Variants in CDC7 observed in about 807,000 individuals in gnomAD.
CDC7 encodes cell division cycle 7-related protein kinase.
A neutral mutation model predicts 53.5 loss-of-function variants in CDC7; 34 were observed. That is an observed-to-expected ratio of 0.64 (90% confidence interval 0.48 to 0.85). The LOEUF (loss-of-function observed/expected upper bound fraction) is 0.85. CDC7 is among the 40% of genes least tolerant of loss of function. The pLI is 0.00. For synonymous variants in CDC7, 211 were observed against 222.8 expected (o/e 0.95, Z 0.47); for missense variants, 594 against 679.7 (o/e 0.87, Z 1.40).
chr1:91,516,205 A>G (rs1050323696), intron 10 of CDC7, among the ~76,000 whole-genome samples: 1 of 151,946 alleles, frequency 6.6e-6, no homozygotes, highest in Non-Finnish European at 1.5e-5. Flanking sequence ...TTTGTGGGGG[A>G]AAAAATTATG....
At chr1:91,505,712 T>C (rs769902642) in intron 2 of CDC7, among the ~76,000 whole-genome samples, 3 of 152,236 alleles carry the variant, frequency 2.0e-5, no homozygotes, top group Admixed American at 6.5e-5. Context: ...TCTGCTGTCA[T>C]TTCCCACTTC....
chr1:91,516,923 G>T (rs1667588723), intron 10 of CDC7, among the ~76,000 whole-genome samples: 1 of 152,070 alleles, frequency 6.6e-6, no homozygotes, highest in Admixed American at 6.6e-5. Flanking sequence ...AAATCAGCTG[G>T]GTGTGGTGGT....
intron 11 of CDC7, among the ~76,000 whole-genome samples, chr1:91,520,497 G>A (rs564972513): frequency 2.0e-5 from 3 of 152,214 alleles, no homozygotes; most frequent in African/African-American, 7.2e-5. Context: ...GTAATACACT[G>A]TTGCAGTATT....
Position 91,524,423 on chromosome 1 carries a change from T to TA in CDC7, c.1714dup (p.Met572AsnfsTer17). On this transcript the variant is annotated frameshift_variant, in exon 12 of 12. Coordinates refer to ENST00000234626, the MANE Select transcript of CDC7 (RefSeq NM_003503.4). LOFTEE classifies it high-confidence loss of function. ...CTTTGTTGCATCCATTTTTTAAAGA[T>TA]ATGAGCTTGTGATAATGGATCTTCA... 1 of 1,604,316 alleles carries TA rather than the reference T, an allele frequency of 6.2e-7. No homozygotes were observed. Among genetic ancestry groups the TA allele is most frequent in the Non-Finnish European group, 8.5e-7 (1 of 1,178,100 alleles).
At chr1:91,515,292 GT>G (rs1667500753) in intron 9 of CDC7, among the ~76,000 whole-genome samples, 1 of 152,112 alleles carries the variant, frequency 6.6e-6, no homozygotes. Flanking sequence ...AGTCTTTTCT[GT>G]TTTCTCTTTT....
chr1:91,513,212 C>A lies in CDC7; in HGVS notation c.727C>A (p.Pro243Thr). 1.2e-6 allele frequency: 2 copies of A among 1,613,650 alleles called. No individual in the cohort carries two copies. Among genetic ancestry groups the A allele is most frequent in the East Asian group, 2.2e-5 (1 of 44,872 alleles). ...CAAGATTCCACTGAGTGGCCCAGTA[C>A]CTAAGGAGCTGGATCAGCAGTCCAC... ...GNKIPLSGPVPKELDQQSTTK... is the reference protein window; with the variant it reads ...GNKIPLSGPVTKELDQQSTTK... The change falls in exon 7 of 12, where the codon CCT becomes ACT. Residue 243 changes from proline (P) to threonine (T), a missense_variant. By Grantham distance (38) the Pro-to-Thr change is conservative (BLOSUM62 -1). Transcript: ENST00000234626.
intron 4 of CDC7, among the ~76,000 whole-genome samples, chr1:91,511,228 C>A (rs1450710894): frequency 6.6e-6 from 1 of 152,082 alleles, no homozygotes; most frequent in Non-Finnish European, 1.5e-5. Context: ...AGCAAAATGC[C>A]TGGGTTCAAA....
At chr1:91,523,173 G>T (rs369358303) in intron 11 of CDC7, among the ~76,000 whole-genome samples, 1 of 152,142 alleles carries the variant, frequency 6.6e-6, no homozygotes, top group Non-Finnish European at 1.5e-5. Context: ...ACTATTGCGA[G>T]TCTCTGCTTT....
At position 91,508,381 on chromosome 1, in the gene CDC7, T is replaced by G. The variant is rs1402831411; in HGVS notation, c.319T>G (p.Cys107Gly). ...TATAAGAATTGCAGCTGAACTTCAG[T>G]GCCTAACAGTGGCTGGGTAGGCAAT... The part of the protein sequence containing the change: ...HPIRIAAELQ[C>G]LTVAGGQDNV... The change falls in exon 4 of 12, where the codon TGC becomes GGC. Residue 107 changes from cysteine to glycine, a missense_variant. Transcript: ENST00000234626. 1.2e-6 allele frequency: 2 copies of G among 1,610,254 alleles called. No homozygotes were observed. The highest frequency in any genetic ancestry group is 1.7e-6 in the Non-Finnish European group (2 of 1,178,460).
chr1:91,520,088 A>G, intron 10 of CDC7, 42 bp from the exon 11 acceptor site: 1 of 1,476,314 alleles, frequency 6.8e-7, no homozygotes. Context: ...TGATAAAATT[A>G]TAGATTTGAA....
chr1:91,520,010 A>T (rs1282717914), intron 10 of CDC7, 120 bp from the exon 11 acceptor site: 1 of 682,064 alleles, frequency 1.5e-6, no homozygotes, highest in African/African-American at 1.9e-5. Flanking sequence ...GGGTCTGGGC[A>T]TCTGAAATTT....
rs775998744 is a variant in CDC7, at chr1:91,514,889, C to T, written c.989C>T (p.Thr330Ile). ...GCAACAAAAAAGAAGGCTATTTCTA[C>T]AAAAGTTATGAATAGTGCTGTGATG... ...KLATKKKAIS[T>I]KVMNSAVMRK... Residue 330 changes from threonine (T) to isoleucine (I), a missense_variant, in exon 9 of 12, where the codon ACA becomes ATA. By Grantham distance (89) the Thr-to-Ile change is moderately conservative (BLOSUM62 -1). Transcript: ENST00000234626. 2.6e-5 allele frequency: 42 copies of T among 1,613,092 alleles called. No homozygotes were observed. Among genetic ancestry groups the T allele is most frequent in the East Asian group, 4.5e-5 (2 of 44,852 alleles).
At chr1:91,523,840 C>T (rs753050804) in intron 11 of CDC7, among the ~76,000 whole-genome samples, 16 of 151,924 alleles carry the variant, frequency 1.1e-4, no homozygotes, top group East Asian at 1.9e-4. Flanking sequence ...ACTTTATCTC[C>T]CACTATGCAA....
At position 91,506,806 on chromosome 1, in the gene CDC7, T is replaced by C. The variant is rs1233534223; in HGVS notation, c.116-1048T>C. Among the ~76,000 whole-genome samples, 4 of 151,972 alleles carry C rather than the reference T, an allele frequency of 2.6e-5. No homozygotes were observed. The East Asian group carries it at 5.8e-4, about 22-fold the overall frequency. On this transcript the variant is annotated intron_variant, in intron 2 of 11. Transcript: ENST00000234626. ...CTCTACTAAAAACACAAAAATTAGC[T>C]GGGCGTGGTGTTGCGTGCCTGTAAT...
chr1:91,514,742 G>C (rs777873605), intron 8 of CDC7, 77 bp from the exon 9 acceptor site: 18 of 1,131,172 alleles, frequency 1.6e-5, no homozygotes, highest in Non-Finnish European at 2.2e-5. Context: ...TTCCGCTATT[G>C]CTTTTTGCCA....
At chr1:91,503,953 C>T (rs1666839295) in intron 2 of CDC7, among the ~76,000 whole-genome samples, 1 of 151,832 alleles carries the variant, frequency 6.6e-6, no homozygotes, top group Non-Finnish European at 1.5e-5. Context: ...GATTTAAGGT[C>T]CATTGCATAT....
chr1:91,522,165 A>G (rs577055865), intron 11 of CDC7, among the ~76,000 whole-genome samples: 98 of 152,076 alleles, frequency 6.4e-4, no homozygotes, highest in Non-Finnish European at 7.7e-4. Context: ...CTCTGTCTCA[A>G]AAAAACAAAT....
intron 11 of CDC7, among the ~76,000 whole-genome samples, chr1:91,520,681 T>TA (rs2102401206): frequency 6.6e-6 from 1 of 152,320 alleles, no homozygotes; most frequent in African/African-American, 2.4e-5. Flanking sequence ...TCTTGGTACT[T>TA]AGAGTGTCCT....
intron 8 of CDC7, 29 bp downstream of exon 8, chr1:91,514,072 G>A (rs1283743575): frequency 7.3e-7 from 1 of 1,373,310 alleles, no homozygotes; most frequent in Non-Finnish European, 1.0e-6. Context: ...TAGCATAATG[G>A]TCAGTCAGTC....
Sources: gnomAD v4.1 joint callset for allele counts (sites outside exome capture counted in the v4.1 genomes callset) on GRCh38, gnomAD v4.1.1 for gene constraint, MANE v1.5 for transcripts, NCBI Gene and HGNC (gene_info 2026-07-23, HGNC 2026-07-21) for gene names.